The following PELI2 variants were observed in gnomAD, a reference collection of about 807,000 sequenced individuals.
PELI2 encodes the protein E3 ubiquitin-protein ligase pellino homolog 2.
In PELI2, 23 loss-of-function variants were observed where a neutral mutation model predicts 42.3. The observed-to-expected ratio is 0.54, with a 90% CI of 0.39 to 0.77. The LOEUF is 0.77. PELI2 is among the 30% of genes least tolerant of loss of function. PELI2 has a pLI of 0.00. For missense variants in PELI2, 463 were observed against 553.2 expected (o/e 0.84, Z 1.64); for synonymous variants, 245 against 212.2 (o/e 1.15, Z -1.34).
intron 3 of PELI2, among the ~76,000 whole-genome samples, chr14:56,286,468 A>T (rs1269704530): frequency 6.6e-6 from 1 of 152,204 alleles, no homozygotes. Flanking sequence ...TCTTATATAT[A>T]TAAAATTTAA....
Position 56,297,084 on chromosome 14 carries a change from A to G in PELI2, c.1181A>G (p.His394Arg). ...IPLPHGTHAF[H>R]AACPFCATQL... is the part of the protein sequence containing the mutation. ...TTGCCTCATGGAACTCATGCATTTC[A>G]CGCTGCTTGCCCTTTCTGTGCTACA... is the stretch of plus-strand genomic sequence containing the variant. Residue 394 changes from histidine (H) to arginine (R), a missense_variant, in exon 6 of 6, where the codon CAC becomes CGC. His to Arg is a conservative substitution (Grantham distance 29). Around this residue, in one of 3 missense-constraint regions of PELI2, gnomAD observed 103 missense variants for 129.6 expected, o/e 0.80. Transcript: ENST00000267460. 6.2e-7 allele frequency: 1 copy of G among 1,611,074 alleles called. No homozygotes were observed. Among genetic ancestry groups the G allele is most frequent in the Non-Finnish European group, 8.5e-7 (1 of 1,179,958 alleles).
chr14:56,225,673 G>A (rs1181508387), intron 2 of PELI2, among the ~76,000 whole-genome samples: 2 of 152,174 alleles, frequency 1.3e-5, no homozygotes, highest in South Asian at 2.1e-4. Flanking sequence ...CAGGAGTGGT[G>A]GTGCCCACTT....
chr14:56,160,323 A>C (rs2139637946), intron 1 of PELI2, among the ~76,000 whole-genome samples: 1 of 152,292 alleles, frequency 6.6e-6, no homozygotes, highest in East Asian at 1.9e-4. Flanking sequence ...GACTCTGAGA[A>C]GTTAAGGGAT....
intron 2 of PELI2, among the ~76,000 whole-genome samples, chr14:56,218,503 G>T (rs970881980): frequency 6.6e-6 from 1 of 152,236 alleles, no homozygotes; most frequent in Non-Finnish European, 1.5e-5. Flanking sequence ...GTAGTTGACT[G>T]TGTAGTCAGT....
At chr14:56,164,135 A>T (rs2139644810) in intron 1 of PELI2, among the ~76,000 whole-genome samples, 1 of 152,120 alleles carries the variant, frequency 6.6e-6, no homozygotes, top group South Asian at 2.1e-4. Context: ...CCAGATCTTA[A>T]AGGAAAGGCT....
Position 56,297,461 on chromosome 14 carries a change from A to ATT in PELI2, c.*295_*296insTT. 12 of 243,644 alleles carry ATT rather than the reference A, an allele frequency of 4.9e-5. No individual in the cohort carries two copies. The highest frequency in any genetic ancestry group is 1.0e-4 in the South Asian group (1 of 9,530). 15.1% of individuals were successfully genotyped at this position (243,644 alleles called of 1,614,324 possible). A position where few individuals can be genotyped will look rare whatever the true frequency, so the allele number is the denominator to read the frequency against. ...ATTTTTAACCTTGGGTTTTTAACCA[A>ATT]GTTTTTTTTTTTTTGTAATCTTGGA... On this transcript the variant is annotated 3_prime_UTR_variant, in exon 6 of 6. Coordinates refer to ENST00000267460, the MANE Select transcript of PELI2 (RefSeq NM_021255.3).
intron 1 of PELI2, among the ~76,000 whole-genome samples, chr14:56,166,391 A>C (rs970959264): frequency 1.3e-5 from 2 of 152,182 alleles, no homozygotes; most frequent in African/African-American, 4.8e-5. Flanking sequence ...ACTTAGGATA[A>C]GAGTAGTTTA....
At chr14:56,173,745 C>T (rs1430698711) in intron 1 of PELI2, among the ~76,000 whole-genome samples, 1 of 152,172 alleles carries the variant, frequency 6.6e-6, no homozygotes, top group Non-Finnish European at 1.5e-5. Flanking sequence ...ATGGTCGTCT[C>T]CTCTCTATCC....
At chr14:56,246,406 TAAG>T (rs2139805424) in intron 2 of PELI2, among the ~76,000 whole-genome samples, 1 of 152,330 alleles carries the variant, frequency 6.6e-6, no homozygotes, top group Admixed American at 6.5e-5. Flanking sequence ...AATAACTACT[TAAG>T]CTGCTAATCT....
chr14:56,265,005 A>C (rs754352243), intron 2 of PELI2, among the ~76,000 whole-genome samples: 10 of 152,208 alleles, frequency 6.6e-5, no homozygotes, highest in Non-Finnish European at 1.3e-4. Flanking sequence ...GAGGACCTAA[A>C]TATGTGGAGA....
At chr14:56,126,821 C>A (rs1313297389) in intron 1 of PELI2, among the ~76,000 whole-genome samples, 1 of 152,052 alleles carries the variant, frequency 6.6e-6, no homozygotes, top group Non-Finnish European at 1.5e-5. Context: ...CACACCAGAT[C>A]CCAGAAAATT....
chr14:56,225,475 C>T (rs1441318758), intron 2 of PELI2, among the ~76,000 whole-genome samples: 1 of 152,148 alleles, frequency 6.6e-6, no homozygotes, highest in African/African-American at 2.4e-5. Flanking sequence ...CCAAGTCCCT[C>T]CTGGAGCTCC....
At chr14:56,179,654 C>CT (rs1307393689) in intron 2 of PELI2, among the ~76,000 whole-genome samples, 1 of 152,106 alleles carries the variant, frequency 6.6e-6, no homozygotes, top group Non-Finnish European at 1.5e-5. Flanking sequence ...GGAAATCCAA[C>CT]TTTACGAAGA....
chr14:56,187,871 A>G (rs987980942), intron 2 of PELI2, among the ~76,000 whole-genome samples: 4 of 152,166 alleles, frequency 2.6e-5, no homozygotes, highest in African/African-American at 9.7e-5. Context: ...CACTGTGCTC[A>G]TTCTGCTGCC....
intron 3 of PELI2, among the ~76,000 whole-genome samples, chr14:56,285,871 G>C (rs942127982): frequency 6.6e-6 from 1 of 152,108 alleles, no homozygotes; most frequent in East Asian, 1.9e-4. Flanking sequence ...TTAAAGGTGG[G>C]AGACTACGCC....
chr14:56,119,468 C>T (rs1208118949), intron 1 of PELI2, among the ~76,000 whole-genome samples: 3 of 152,152 alleles, frequency 2.0e-5, no homozygotes, highest in Admixed American at 1.3e-4. Context: ...GTCCCGGCCT[C>T]GCTGATGCCC....
In PELI2 at chr14:56,217,085, A is replaced by G. The variant is rs182483493; in HGVS notation, c.207+38621A>G. On this transcript the variant is annotated intron_variant, in intron 2 of 5. Coordinates refer to ENST00000267460, the MANE Select transcript of PELI2 (RefSeq NM_021255.3). ...TGTTTCCAAACAGACTGTTGTTTCT[A>G]AAAATAGATTTCCTTGCATTCTTTT... 9.8e-5 allele frequency among the ~76,000 whole-genome samples: 15 copies of G among 152,348 alleles called. No homozygotes were observed. The East Asian group carries it at 2.5e-3, about 25-fold the overall frequency.
At chr14:56,203,567 G>A (rs987346364) in intron 2 of PELI2, among the ~76,000 whole-genome samples, 16 of 152,096 alleles carry the variant, frequency 1.1e-4, no homozygotes, top group Non-Finnish European at 2.2e-4. Flanking sequence ...GAGTTGGACA[G>A]TGAAGGACAA....
rs1020110748 is a variant in PELI2, at chr14:56,118,524, C to T, written c.-137C>T. The T allele has an allele frequency of 8.9e-6, 4 of 450,782 alleles. No homozygotes were observed. The highest frequency in any genetic ancestry group is 1.4e-5 in the Non-Finnish European group (4 of 278,068). 27.9% of individuals were successfully genotyped at this position (450,782 alleles called of 1,614,324 possible). ...CAGCAGCGGGACTGGCCGCCCCGCGCCCCCTTCGCCGCCGTGCCCTTCCCC... is the reference window on the plus strand; with the variant it reads ...CAGCAGCGGGACTGGCCGCCCCGCGTCCCCTTCGCCGCCGTGCCCTTCCCC... On this transcript the variant is annotated 5_prime_UTR_variant, in exon 1 of 6. Coordinates refer to ENST00000267460, the MANE Select transcript of PELI2 (RefSeq NM_021255.3).
Sources: allele counts gnomAD v4.1 joint callset (sites outside exome capture counted in the v4.1 genomes callset), GRCh38; gene constraint gnomAD v4.1.1; regional missense constraint gnomAD v4.1.1; transcripts MANE v1.5; gene names NCBI Gene and HGNC (gene_info 2026-07-23, HGNC 2026-07-21).